C3orf33: variants seen among roughly 807,000 people sequenced by gnomAD.
C3orf33 encodes the protein mitochondrial inner membrane subdomain organizer 1, also known as AP-1 activity suppressor.
In C3orf33, 23 loss-of-function variants were observed where a neutral mutation model predicts 28.7. The ratio of observed to expected loss-of-function variants is 0.80; its 90% confidence interval spans 0.58 to 1.13. The LOEUF (loss-of-function observed/expected upper bound fraction) is 1.13. Ranked by LOEUF, C3orf33 falls within the 50% of genes most tolerant of loss-of-function variation. The probability of loss-of-function intolerance (pLI) is 0.00; values close to 1 mark genes in which losing one functional copy is unlikely to be tolerated. For synonymous variants in C3orf33, 119 were observed against 120.5 expected, an observed-to-expected ratio of 0.99 and a Z score of 0.08; for missense variants, 327 against 353.4, an observed-to-expected ratio of 0.93 and a Z score of 0.60.
At chr3:155,781,672 G>C (rs1750927513) in intron 2 of C3orf33, among the ~76,000 whole-genome samples, 1 of 150,588 alleles carries the variant, frequency 6.6e-6, no homozygotes, top group Non-Finnish European at 1.5e-5. Context: ...GGGAGGCTGA[G>C]GCAGGAGAAT....
chr3:155,802,118 GAAAT>G (rs1427450269), intron 2 of C3orf33, among the ~76,000 whole-genome samples: 1 of 152,134 alleles, frequency 6.6e-6, no homozygotes, highest in African/African-American at 2.4e-5. Flanking sequence ...ATTATTGAAA[GAAAT>G]AAGAAAATGT....
At chr3:155,804,241 T>C (rs1751751794) in intron 1 of C3orf33, 1 of 366,976 alleles carries the variant, frequency 2.7e-6, no homozygotes, top group Middle Eastern at 3.8e-4. Context: ...GGTTCTGTGA[T>C]TGGATTATTT....
At chr3:155,773,096 C>T (rs979416273) in intron 3 of C3orf33, among the ~76,000 whole-genome samples, 3 of 152,132 alleles carry the variant, frequency 2.0e-5, no homozygotes, top group Non-Finnish European at 2.9e-5. Context: ...GAATAAACAT[C>T]TATTTCTATT....
intron 4 of C3orf33, 103 bp from the exon 5 acceptor site, chr3:155,764,021 T>C (rs1750320878): frequency 1.0e-6 from 1 of 993,690 alleles, no homozygotes. Context: ...ATTTTAGTCC[T>C]CCAAAGAAAA....
intron 2 of C3orf33, among the ~76,000 whole-genome samples, chr3:155,799,798 G>T (rs546860976): frequency 1.3e-5 from 2 of 152,254 alleles, no homozygotes; most frequent in Admixed American, 6.5e-5. Flanking sequence ...TATGTTAAGT[G>T]AAGTAAGCCA....
chr3:155,806,258 C>A lies in C3orf33; in HGVS notation c.-6G>T. The stretch of plus-strand genomic sequence containing the variant: ...GCCGCGGGCTGCCCCGCCATGTTCC[C>A]GGCCTCCTGCGAGCGGCCCTGAGCT... On this transcript the variant is annotated 5_prime_UTR_variant, in exon 1 of 5. Transcript: ENST00000340171. 6.8e-7 allele frequency: 1 copy of A among 1,464,630 alleles called. No homozygotes were observed. The highest frequency in any genetic ancestry group is 2.3e-4 in the Middle Eastern group (1 of 4,308). The allele number at this position is 1,464,630 out of a possible 1,614,324, so 90.7% of individuals were successfully genotyped here.
At chr3:155,781,768 C>CA (rs36059033) in intron 2 of C3orf33, among the ~76,000 whole-genome samples, 1,419 of 64,392 alleles carry the variant, frequency 0.022, 43 homozygotes, top group African/African-American at 0.054. Context: ...GACTCTATCT[C>CA]AAAAAAAAAA....
At chr3:155,792,630 AAGAG>A (rs1234306349) in intron 2 of C3orf33, among the ~76,000 whole-genome samples, 1 of 152,080 alleles carries the variant, frequency 6.6e-6, no homozygotes, top group African/African-American at 2.4e-5. Context: ...AAACTTAACA[AAGAG>A]AGAAACAGTT....
intron 2 of C3orf33, among the ~76,000 whole-genome samples, chr3:155,778,562 G>A (rs1750823912): frequency 6.6e-6 from 1 of 152,126 alleles, no homozygotes; most frequent in Non-Finnish European, 1.5e-5. Context: ...AAAGTTGGGA[G>A]GAAAAAGATT....
intron 2 of C3orf33, among the ~76,000 whole-genome samples, chr3:155,778,141 CAAAA>C (rs55700532): frequency 5.3e-5 from 4 of 75,788 alleles, no homozygotes; most frequent in African/African-American, 1.6e-4. Flanking sequence ...AACTCCATTT[CAAAA>C]AAAAAAAAAA....
chr3:155,775,930 T>C, intron 2 of C3orf33, 82 bp from the exon 3 acceptor site: 1 of 1,019,498 alleles, frequency 9.8e-7, no homozygotes, highest in East Asian at 2.5e-5. Context: ...ATCAAAACAT[T>C]TCACAAGAGT....
chr3:155,782,658 C>T (rs113980443), intron 2 of C3orf33, among the ~76,000 whole-genome samples: 3,632 of 152,164 alleles, frequency 0.024, 140 homozygotes, highest in African/African-American at 0.083. Flanking sequence ...AAAACTGACC[C>T]TCAGAAGTGA....
chr3:155,796,927 A>G (rs1267541026), intron 2 of C3orf33, among the ~76,000 whole-genome samples: 1 of 152,220 alleles, frequency 6.6e-6, no homozygotes, highest in Non-Finnish European at 1.5e-5. Context: ...ATGGTGGCTC[A>G]TGACTGTAAT....
chr3:155,778,491 T>C (rs1376712448), intron 2 of C3orf33, among the ~76,000 whole-genome samples: 1 of 152,198 alleles, frequency 6.6e-6, no homozygotes, highest in East Asian at 1.9e-4. Context: ...TGTAGCAAAA[T>C]GTTAACAACT....
chr3:155,804,770 C>T (rs1577443293), intron 1 of C3orf33, among the ~76,000 whole-genome samples: 1 of 152,126 alleles, frequency 6.6e-6, no homozygotes, highest in Non-Finnish European at 1.5e-5. Flanking sequence ...GTTATTCAAG[C>T]CCACGGCTTT....
At chr3:155,786,374 A>G (rs899787831) in intron 2 of C3orf33, among the ~76,000 whole-genome samples, 4 of 152,166 alleles carry the variant, frequency 2.6e-5, no homozygotes, top group Non-Finnish European at 5.9e-5. Context: ...AGCTAAATGG[A>G]CTAAAAAAAG....
chr3:155,799,196 T>C (rs904504937), intron 2 of C3orf33, among the ~76,000 whole-genome samples: 1 of 152,194 alleles, frequency 6.6e-6, no homozygotes, highest in South Asian at 2.1e-4. Context: ...ACAACCGTTA[T>C]GGAGAACAGT....
intron 2 of C3orf33, 108 bp from the exon 3 acceptor site, chr3:155,775,956 T>A: frequency 1.3e-6 from 1 of 776,290 alleles, no homozygotes; most frequent in Non-Finnish European, 2.1e-6. Context: ...ACCATGAACA[T>A]TTTAAAATTT....
At position 155,763,461 on chromosome 3, in the gene C3orf33, A is replaced by C; in HGVS notation, c.*56T>G. The C allele has an allele frequency of 7.7e-7, 1 of 1,305,180 alleles. No homozygotes were observed. The highest frequency in any genetic ancestry group is 1.0e-6 in the Non-Finnish European group (1 of 999,934). 80.8% of individuals were successfully genotyped at this position (1,305,180 alleles called of 1,614,324 possible). A position where few individuals can be genotyped will look rare whatever the true frequency, so the allele number is the denominator to read the frequency against. Reference sequence around the variant, plus strand: ...CATTTTGATTCAATGAAAAACGTCCATATATTTACATATTTCACTCTTTGG... The same window carrying C: ...CATTTTGATTCAATGAAAAACGTCCCTATATTTACATATTTCACTCTTTGG... On this transcript the variant is annotated 3_prime_UTR_variant, in exon 5 of 5. Coordinates refer to ENST00000340171, the MANE Select transcript of C3orf33 (RefSeq NM_001308229.2).
Sources: allele counts gnomAD v4.1 joint callset (sites outside exome capture counted in the v4.1 genomes callset), GRCh38; gene constraint gnomAD v4.1.1; transcripts MANE v1.5; gene names NCBI Gene and HGNC (gene_info 2026-07-23, HGNC 2026-07-21).